Variants in HS6ST3 observed in about 807,000 individuals in gnomAD.
HS6ST3 encodes the protein heparan sulfate 6-O-sulfotransferase 3.
HS6ST3 carries 12 observed loss-of-function variants against 36.7 expected under a neutral mutation model. That is an observed-to-expected ratio of 0.33 (90% CI 0.21 to 0.53). HS6ST3 has a LOEUF of 0.53. Ranked by LOEUF, HS6ST3 falls within the 20% of genes least tolerant of loss-of-function variation. HS6ST3 has a pLI of 0.95. For missense variants in HS6ST3, 584 were observed against 640.9 expected, an observed-to-expected ratio of 0.91 and a Z score of 0.96; for synonymous variants, 240 against 257.5, an observed-to-expected ratio of 0.93 and a Z score of 0.65.
intron 1 of HS6ST3, among the ~76,000 whole-genome samples, chr13:96,832,231 C>T (rs956227502): frequency 2.6e-5 from 4 of 152,110 alleles, no homozygotes; most frequent in African/African-American, 9.7e-5. Context: ...AATGAATGAA[C>T]TATCTATTCT....
chr13:96,753,645 G>A (rs1272317374), intron 1 of HS6ST3, among the ~76,000 whole-genome samples: 2 of 152,054 alleles, frequency 1.3e-5, no homozygotes, highest in Non-Finnish European at 2.9e-5. Context: ...TGTAGAAAAT[G>A]ACTCTTTGGT....
intron 1 of HS6ST3, among the ~76,000 whole-genome samples, chr13:96,470,446 T>G (rs998282880): frequency 7.0e-4 from 106 of 152,176 alleles, no homozygotes; most frequent in Non-Finnish European, 1.5e-3. Context: ...CCAATTTCAT[T>G]GTACTGTCCC....
At chr13:96,542,792 G>A (rs1042568747) in intron 1 of HS6ST3, among the ~76,000 whole-genome samples, 1 of 151,994 alleles carries the variant, frequency 6.6e-6, no homozygotes, top group Admixed American at 6.6e-5. Context: ...ATTTTCTCAG[G>A]GACATAGTCT....
intron 1 of HS6ST3, among the ~76,000 whole-genome samples, chr13:96,593,032 A>G (rs1311689608): frequency 1.3e-5 from 2 of 151,946 alleles, no homozygotes; most frequent in African/African-American, 4.8e-5. Flanking sequence ...TTTTACCCCT[A>G]CTTCTTTCTC....
At chr13:96,241,604 A>T (rs2054560303) in intron 1 of HS6ST3, among the ~76,000 whole-genome samples, 1 of 151,452 alleles carries the variant, frequency 6.6e-6, no homozygotes, top group South Asian at 2.1e-4. Context: ...GTCCCAGGAG[A>T]TTCAATAAAA....
chr13:96,257,084 T>G (rs145068139), intron 1 of HS6ST3, among the ~76,000 whole-genome samples: 1 of 152,304 alleles, frequency 6.6e-6, no homozygotes, highest in Non-Finnish European at 1.5e-5. Context: ...TTTCTGAGGA[T>G]GGCCTTTCTC....
At chr13:96,248,550 A>G (rs192122812) in intron 1 of HS6ST3, among the ~76,000 whole-genome samples, 2 of 152,320 alleles carry the variant, frequency 1.3e-5, no homozygotes, top group Non-Finnish European at 2.9e-5. Flanking sequence ...GCATACAAAC[A>G]TACTCTCCAA....
chr13:96,268,521 C>T (rs1424988248), intron 1 of HS6ST3, among the ~76,000 whole-genome samples: 3 of 151,868 alleles, frequency 2.0e-5, no homozygotes, highest in Non-Finnish European at 2.9e-5. Context: ...ATGGGGACTA[C>T]AGTTCAAGAT....
intron 1 of HS6ST3, among the ~76,000 whole-genome samples, chr13:96,316,256 C>T (rs1221089885): frequency 1.8e-5 from 2 of 112,264 alleles, no homozygotes; most frequent in African/African-American, 7.3e-5. Context: ...ACTACATACA[C>T]CTGTGTGTGT....
intron 1 of HS6ST3, among the ~76,000 whole-genome samples, chr13:96,483,743 T>A (rs1566373902): frequency 1.3e-5 from 2 of 152,202 alleles, no homozygotes; most frequent in East Asian, 3.9e-4. Context: ...TGAATTATCA[T>A]ACCCTGTGAT....
intron 1 of HS6ST3, among the ~76,000 whole-genome samples, chr13:96,534,988 G>A (rs1333290472): frequency 2.0e-5 from 3 of 152,060 alleles, no homozygotes; most frequent in Non-Finnish European, 2.9e-5. Context: ...AAAGAGGAAC[G>A]CAGAACAGAC....
chr13:96,286,230 T>C (rs1392983435), intron 1 of HS6ST3, among the ~76,000 whole-genome samples: 2 of 152,060 alleles, frequency 1.3e-5, no homozygotes, highest in Non-Finnish European at 2.9e-5. Flanking sequence ...GGCAGTTCGT[T>C]CTCCCCTTCT....
At chr13:96,752,161 C>T (rs1048951700) in intron 1 of HS6ST3, among the ~76,000 whole-genome samples, 2 of 151,780 alleles carry the variant, frequency 1.3e-5, no homozygotes, top group Non-Finnish European at 2.9e-5. Context: ...TATCACAATC[C>T]GTGTAGTCAT....
At chr13:96,291,558 C>G (rs922431080) in intron 1 of HS6ST3, among the ~76,000 whole-genome samples, 3 of 152,082 alleles carry the variant, frequency 2.0e-5, no homozygotes, top group Non-Finnish European at 4.4e-5. Flanking sequence ...TGATAATAAG[C>G]TTTTGATTTT....
At chr13:96,332,759 T>C (rs2055078337) in intron 1 of HS6ST3, among the ~76,000 whole-genome samples, 2 of 152,240 alleles carry the variant, frequency 1.3e-5, no homozygotes, top group South Asian at 4.1e-4. Context: ...TGAACTGACT[T>C]GTGTAGTGTA....
intron 1 of HS6ST3, among the ~76,000 whole-genome samples, chr13:96,797,632 G>C (rs910722044): frequency 6.6e-6 from 1 of 151,982 alleles, no homozygotes; most frequent in African/African-American, 2.4e-5. Context: ...GAAATTAATG[G>C]TTCTTTTTTA....
chr13:96,662,724 G>A (rs2056650679), intron 1 of HS6ST3, among the ~76,000 whole-genome samples: 1 of 152,048 alleles, frequency 6.6e-6, no homozygotes, highest in Non-Finnish European at 1.5e-5. Context: ...TCTTTTGTTG[G>A]TTCTTTCTCA....
At chr13:96,749,687 G>A (rs1440610278) in intron 1 of HS6ST3, among the ~76,000 whole-genome samples, 1 of 151,992 alleles carries the variant, frequency 6.6e-6, no homozygotes, top group East Asian at 1.9e-4. Context: ...GTCTAAATTA[G>A]AGCTAAAGAT....
At chr13:96,592,720 A>AT (rs1004952028) in intron 1 of HS6ST3, among the ~76,000 whole-genome samples, 6 of 151,534 alleles carry the variant, frequency 4.0e-5, no homozygotes, top group East Asian at 1.9e-4. Flanking sequence ...AGGGTACAAT[A>AT]TTTTTTTTCC....
Sources: gnomAD v4.1 joint callset for allele counts (sites outside exome capture counted in the v4.1 genomes callset) on GRCh38, gnomAD v4.1.1 for gene constraint, MANE v1.5 for transcripts, NCBI Gene and HGNC (gene_info 2026-07-23, HGNC 2026-07-21) for gene names.